The following TET3 variants were observed in gnomAD, a reference collection of about 807,000 sequenced individuals.
The protein encoded by TET3 is methylcytosine dioxygenase TET3.
A neutral mutation model predicts 141.4 loss-of-function variants in TET3; 19 were observed. That is an observed-to-expected ratio of 0.13 (90% confidence interval 0.09 to 0.20). The LOEUF (loss-of-function observed/expected upper bound fraction) is 0.20, where lower values mean the gene tolerates loss of function less well. TET3 is among the 10% of genes least tolerant of loss of function. The pLI is 1.00. For missense variants in TET3, 1,874 were observed against 2,356.9 expected (o/e 0.80, Z 4.24); for synonymous variants, 1,043 against 980.9 (o/e 1.06, Z -1.18).
intron 4 of TET3, among the ~76,000 whole-genome samples, chr2:74,055,716 G>GT (rs1246687202): frequency 2.0e-5 from 3 of 152,190 alleles, no homozygotes; most frequent in Admixed American, 6.5e-5. Flanking sequence ...CCTTTAAGAG[G>GT]TGATTGGGTG....
chr2:74,018,924 G>A lies in TET3; in HGVS notation c.360+15758G>A, dbSNP rs532701592. ...CAGAGAAAGGGAAGTAGACCTTTCC[G>A]TTTATTCTAGTCTTTTTTGTGTGTT... On this transcript the variant is annotated intron_variant, in intron 3 of 11. Transcript: ENST00000409262. 1.3e-3 allele frequency among the ~76,000 whole-genome samples: 199 copies of A among 152,226 alleles called. 1 individual carries two copies. The highest frequency in any genetic ancestry group is 4.6e-3 in the African/African-American group (193 of 41,524).
At chr2:74,109,267 T>C (rs1475176147), downstream of TET3, among the ~76,000 whole-genome samples, 2 of 152,192 alleles carry the variant, frequency 1.3e-5, no homozygotes, top group Admixed American at 6.5e-5. Flanking sequence ...ATGTTAAATA[T>C]AGAAAATTAG....
At position 74,101,111 on chromosome 2, in the gene TET3, C is replaced by T. The variant is rs1225110542; in HGVS notation, c.4323C>T (p.Gly1441=). Residue 1441 remains glycine (G), a synonymous_variant, in exon 12 of 12, where the codon GGC becomes GGT. Coordinates refer to ENST00000409262, the MANE Select transcript of TET3 (RefSeq NM_001287491.2). This position sits in a 1 kb window ranked among gnomAD's most constrained non-coding sequence, Gnocchi z 8.5. Reference sequence around the variant, plus strand: ...ACCTTTGGGGACAGTACTCAGGAGGCCCAAGCATGTCCCCCAAGAGGACTA... The same window carrying T: ...ACCTTTGGGGACAGTACTCAGGAGGTCCAAGCATGTCCCCCAAGAGGACTA... ...PSHLWGQYSG[G]PSMSPKRTNG... The T allele has an allele frequency of 1.2e-6, 2 of 1,613,416 alleles. No homozygotes were observed. The highest frequency in any genetic ancestry group is 8.5e-7 in the Non-Finnish European group (1 of 1,179,650).
intron 3 of TET3, among the ~76,000 whole-genome samples, chr2:74,019,281 A>G (rs1262337083): frequency 6.6e-6 from 1 of 152,174 alleles, no homozygotes; most frequent in Non-Finnish European, 1.5e-5. Context: ...CAAACAAAAT[A>G]AATGAAACGT....
At chr2:74,038,298 TG>T (rs2105323208) in intron 3 of TET3, among the ~76,000 whole-genome samples, 1 of 152,244 alleles carries the variant, frequency 6.6e-6, no homozygotes, top group South Asian at 2.1e-4. Context: ...TTTCTCTGCC[TG>T]AGTAATGTTT....
At chr2:74,001,398 A>G (rs1684843069) in intron 2 of TET3, among the ~76,000 whole-genome samples, 1 of 152,200 alleles carries the variant, frequency 6.6e-6, no homozygotes, top group Non-Finnish European at 1.5e-5. Context: ...TGAGAATGAG[A>G]AGGAGCACCC....
At position 74,046,822 on chromosome 2, in the gene TET3, C is replaced by T. The variant is rs1286565954; in HGVS notation, c.905C>T (p.Pro302Leu). 7.4e-6 allele frequency: 12 copies of T among 1,613,144 alleles called. No homozygotes were observed. The highest frequency in any genetic ancestry group is 8.5e-6 in the Non-Finnish European group (10 of 1,179,868). ...GTCATGGAAGGAGGGGAGGAGCGGCCCAGGCTCCCAGGGCCTCTGCCTCCT... is the reference window on the plus strand; with the variant it reads ...GTCATGGAAGGAGGGGAGGAGCGGCTCAGGCTCCCAGGGCCTCTGCCTCCT... Reference protein sequence around the residue: ...SVVMEGGEERPRLPGPLPPGE... With the variant: ...SVVMEGGEERLRLPGPLPPGE... Residue 302 changes from proline to leucine, a missense_variant, in exon 4 of 12, where the codon CCC (proline) becomes CTC (leucine). By Grantham distance (98) the Pro-to-Leu change is moderately conservative. Around this residue, in one of 10 missense-constraint regions of TET3, gnomAD observed 366 missense variants for 487.0 expected, o/e 0.75. Coordinates refer to ENST00000409262, the MANE Select transcript of TET3 (RefSeq NM_001287491.2). The surrounding 1 kb of genome is among the most constrained non-coding windows in gnomAD (Gnocchi z 4.3).
intron 5 of TET3, among the ~76,000 whole-genome samples, chr2:74,078,345 A>T (rs1364972741): frequency 1.3e-5 from 2 of 152,232 alleles, no homozygotes; most frequent in Non-Finnish European, 2.9e-5. Flanking sequence ...ATTTGTATAT[A>T]TACAGAGATA....
chr2:74,040,084 T>C (rs1191178365), intron 3 of TET3, among the ~76,000 whole-genome samples: 1 of 152,184 alleles, frequency 6.6e-6, no homozygotes, highest in Non-Finnish European at 1.5e-5. Context: ...ATGTCACACG[T>C]ATTAAGCACT....
chr2:74,019,449 A>G (rs1685912455), intron 3 of TET3, among the ~76,000 whole-genome samples: 1 of 152,008 alleles, frequency 6.6e-6, no homozygotes, highest in Non-Finnish European at 1.5e-5. Flanking sequence ...GCCTCTTCTG[A>G]CACTTCTGTC....
Position 73,991,207 on chromosome 2 carries a change from G to A in TET3, c.303+4501G>A, listed in dbSNP as rs139153507. On this transcript the variant is annotated intron_variant, in intron 2 of 11. Transcript: ENST00000409262. ...TTTTATGGATAGTCTTTAGAATATC[G>A]TCTTTCAAATGCAAGCGGTTTTTAA... is the stretch of plus-strand genomic sequence containing the variant. Among the ~76,000 whole-genome samples the A allele has an allele frequency of 2.1e-3, 315 of 152,064 alleles. 3 individuals carry two copies. The highest frequency in any genetic ancestry group is 7.3e-3 in the African/African-American group (301 of 41,484).
At chr2:74,120,542 C>T in the TET3 span, 1 of 152,262 alleles carries the variant, frequency 6.6e-6, no homozygotes, top group Non-Finnish European at 1.5e-5. Flanking sequence ...GGCGTCGTCG[C>T]GGGTTCTTCC....
chr2:74,053,149 C>T (rs1224477782), intron 4 of TET3, among the ~76,000 whole-genome samples: 1 of 152,106 alleles, frequency 6.6e-6, no homozygotes, highest in East Asian at 1.9e-4. Context: ...ATGATGTTTG[C>T]AGCTTTGAGA....
chr2:74,035,826 A>C (rs1687020664), intron 3 of TET3, among the ~76,000 whole-genome samples: 1 of 152,108 alleles, frequency 6.6e-6, no homozygotes, highest in Admixed American at 6.5e-5. Flanking sequence ...AGCCTGACCA[A>C]CATAATGAAA....
At chr2:73,998,208 G>C (rs143270746) in intron 2 of TET3, 2 of 152,302 alleles carry the variant, frequency 1.3e-5, no homozygotes, top group African/African-American at 4.8e-5. Flanking sequence ...CTCAGCATTC[G>C]TGCCCCACCT....
intron 4 of TET3, among the ~76,000 whole-genome samples, chr2:74,063,582 C>T (rs1192517066): frequency 6.6e-6 from 1 of 151,114 alleles, no homozygotes; most frequent in African/African-American, 2.5e-5. Flanking sequence ...CATGATTCCA[C>T]TTATATGAGT....
At chr2:73,997,879 C>A (rs1361856569) in intron 2 of TET3, among the ~76,000 whole-genome samples, 1 of 152,110 alleles carries the variant, frequency 6.6e-6, no homozygotes, top group Non-Finnish European at 1.5e-5. Flanking sequence ...TCTGATAGGG[C>A]TAAAAGGGAG....
At chr2:74,037,445 G>A (rs1220642250) in intron 3 of TET3, among the ~76,000 whole-genome samples, 3 of 152,246 alleles carry the variant, frequency 2.0e-5, no homozygotes, top group Non-Finnish European at 4.4e-5. Flanking sequence ...GCTGGAAAGA[G>A]CAGCCCCTTG....
At chr2:74,090,184 T>C in intron 8 of TET3, 137 bp downstream of exon 8, 1 of 1,338,916 alleles carries the variant, frequency 7.5e-7, no homozygotes, top group South Asian at 1.4e-5. Context: ...TTTTAAAAGC[T>C]GACCTTATCT....
Sources: allele counts gnomAD v4.1 joint callset (sites outside exome capture counted in the v4.1 genomes callset), GRCh38; gene constraint gnomAD v4.1.1; regional missense constraint gnomAD v4.1.1; non-coding constraint Gnocchi (gnomAD v3.1); transcripts MANE v1.5; gene names NCBI Gene and HGNC (gene_info 2026-07-23, HGNC 2026-07-21).